The following KCNT2 variants were observed in gnomAD, a reference collection of about 807,000 sequenced individuals.
The protein encoded by KCNT2 is potassium sodium-activated channel subfamily T member 2, also known as potassium channel subfamily T member 2.
A neutral mutation model predicts 153.8 loss-of-function variants in KCNT2; 67 were observed. That is an observed-to-expected ratio of 0.44 (90% CI 0.36 to 0.53). The LOEUF (loss-of-function observed/expected upper bound fraction) is 0.53, where lower values mean the gene tolerates loss of function less well. Ranked by LOEUF, KCNT2 falls within the 20% of genes least tolerant of loss-of-function variation. The pLI, the probability that KCNT2 is intolerant of heterozygous loss-of-function variation, is 0.00. For missense variants in KCNT2, 975 were observed against 1,354.8 expected (o/e 0.72, Z 4.40); for synonymous variants, 500 against 458.8 (o/e 1.09, Z -1.15).
At chr1:196,373,018 A>T (rs1668662341) in intron 14 of KCNT2, 122 bp downstream of exon 14, 12 of 541,524 alleles carry the variant, frequency 2.2e-5, no homozygotes, top group Non-Finnish European at 4.0e-5. Context: ...AACTCACACA[A>T]ATTCAAGTAT....
chr1:196,480,872 AAAAAAAAAAAAAAG>A, intron 4 of KCNT2, among the ~76,000 whole-genome samples: 1 of 150,344 alleles, frequency 6.7e-6, no homozygotes, highest in Non-Finnish European at 1.5e-5. Context: ...AAAAAAAAAA[AAAAAAAAAAAAAAG>A]AGCATCGTTA....
intron 8 of KCNT2, 125 bp from the exon 9 acceptor site, chr1:196,429,882 A>G (rs750590694): frequency 3.2e-5 from 19 of 596,614 alleles, no homozygotes; most frequent in Non-Finnish European, 4.3e-5. Flanking sequence ...TATATTTTAC[A>G]ATATATTTTT....
At chr1:196,239,814 C>G (rs531151679) in intron 26 of KCNT2, among the ~76,000 whole-genome samples, 27 of 151,896 alleles carry the variant, frequency 1.8e-4, no homozygotes, top group African/African-American at 5.8e-4. Flanking sequence ...GGAGATAGAG[C>G]CTCAAAAACT....
At chr1:196,291,036 C>T (rs1028193493) in intron 22 of KCNT2, among the ~76,000 whole-genome samples, 3 of 152,002 alleles carry the variant, frequency 2.0e-5, no homozygotes, top group African/African-American at 7.3e-5. Context: ...TCAGTACTTC[C>T]CAGCAGACTA....
intron 1 of KCNT2, among the ~76,000 whole-genome samples, chr1:196,498,043 T>C (rs942253166): frequency 1.3e-5 from 2 of 152,196 alleles, no homozygotes; most frequent in African/African-American, 4.8e-5. Flanking sequence ...CCTAATGATA[T>C]CAACTACCTT....
chr1:196,435,975 A>C (rs557589265), intron 8 of KCNT2, among the ~76,000 whole-genome samples: 1 of 151,830 alleles, frequency 6.6e-6, no homozygotes, highest in Non-Finnish European at 1.5e-5. Context: ...TGTTTAAGAA[A>C]AAACTGTCTT....
In KCNT2 at chr1:196,479,165, T is replaced by G. The variant is rs747319208; in HGVS notation, c.384+14A>C. The G allele has an allele frequency of 1.4e-6, 2 of 1,466,946 alleles. No individual in the cohort carries two copies. The highest frequency in any genetic ancestry group is 1.9e-6 in the Non-Finnish European group (2 of 1,050,366). 90.9% of individuals were successfully genotyped at this position (1,466,946 alleles called of 1,614,324 possible). A position where few individuals can be genotyped will look rare whatever the true frequency, so the allele number is the denominator to read the frequency against. On this transcript the variant is annotated intron_variant, in intron 5 of 27. Transcript: ENST00000294725. ...TGTTCTATCAGCGGGAAACTGCTAA[T>G]TAAAATAACTTACCTTATAACTAAG...
chr1:196,254,181 G>C (rs561369806), intron 26 of KCNT2, among the ~76,000 whole-genome samples: 1 of 151,250 alleles, frequency 6.6e-6, no homozygotes, highest in Non-Finnish European at 1.5e-5. Flanking sequence ...AGATTAGTTT[G>C]TTTACTCCTA....
At chr1:196,395,715 T>C (rs2148428994) in intron 13 of KCNT2, among the ~76,000 whole-genome samples, 1 of 151,762 alleles carries the variant, frequency 6.6e-6, no homozygotes, top group South Asian at 2.1e-4. Context: ...GCAGTTTCAA[T>C]CATGTTATTT....
rs538120570 is a variant in KCNT2, at chr1:196,437,488, G to A, written c.639-7731C>T. Among the ~76,000 whole-genome samples the A allele has an allele frequency of 1.4e-4, 21 of 144,848 alleles. No individual in the cohort carries two copies. In the South Asian group the frequency reaches 3.5e-3, roughly 24 times the overall value. ...TTTTGTTTATTATCCTATATCCCCC[G>A]CCTAAACATTTTAAATTAAAAATTT... is the stretch of plus-strand genomic sequence containing the variant. On this transcript the variant is annotated intron_variant, in intron 8 of 27. Transcript: ENST00000294725.
rs78745785 is a variant in KCNT2, at chr1:196,367,008, A to C, written c.1403+6132T>G. ...TCAACCATTTCTGTCTGCCAAAACC[A>C]GTGTTCTTTCCTCTATGCCACATTT... On this transcript the variant is annotated intron_variant, in intron 14 of 27. Transcript: ENST00000294725. 7.0e-4 allele frequency among the ~76,000 whole-genome samples: 107 copies of C among 152,322 alleles called. No homozygotes were observed. In the East Asian group the frequency reaches 0.019, roughly 27 times the overall value.
intron 23 of KCNT2, among the ~76,000 whole-genome samples, chr1:196,284,730 T>C (rs576010933): frequency 1.3e-5 from 2 of 152,152 alleles, no homozygotes; most frequent in African/African-American, 4.8e-5. Flanking sequence ...TTCTACTTTG[T>C]TGTGTTTGCT....
intron 14 of KCNT2, among the ~76,000 whole-genome samples, chr1:196,369,611 T>C (rs10399833): frequency 0.026 from 3,990 of 152,162 alleles, 74 homozygotes; most frequent in South Asian, 0.073. Context: ...TTACTGAGAA[T>C]GATGATTTCC....
chr1:196,289,600 C>T (rs1320068055), intron 22 of KCNT2, among the ~76,000 whole-genome samples: 1 of 152,078 alleles, frequency 6.6e-6, no homozygotes, highest in African/African-American at 2.4e-5. Context: ...TCGAGGTTCA[C>T]TCAATACCTC....
At chr1:196,571,817 G>T (rs1660811975) in intron 1 of KCNT2, among the ~76,000 whole-genome samples, 1 of 152,094 alleles carries the variant, frequency 6.6e-6, no homozygotes, top group Non-Finnish European at 1.5e-5. Context: ...ATGGAGAAGT[G>T]ATGTGAGTTC....
intron 1 of KCNT2, among the ~76,000 whole-genome samples, chr1:196,579,131 C>A (rs773244174): frequency 3.9e-5 from 6 of 152,044 alleles, no homozygotes; most frequent in Non-Finnish European, 8.8e-5. Context: ...TGGGTTTGGA[C>A]AAAGGTACAA....
At chr1:196,569,217 T>A (rs543144453) in intron 1 of KCNT2, among the ~76,000 whole-genome samples, 1 of 152,300 alleles carries the variant, frequency 6.6e-6, no homozygotes, top group South Asian at 2.1e-4. Flanking sequence ...AGTTAATTGA[T>A]TACTTCTAAC....
chr1:196,451,732 T>C (rs1051903607), intron 8 of KCNT2, among the ~76,000 whole-genome samples: 3 of 151,890 alleles, frequency 2.0e-5, no homozygotes, highest in Non-Finnish European at 4.4e-5. Flanking sequence ...TTCCTTCATG[T>C]TTAGGGGAAT....
chr1:196,423,734 T>G (rs1286130271), intron 11 of KCNT2, among the ~76,000 whole-genome samples: 1 of 24,060 alleles, frequency 4.2e-5, no homozygotes, highest in Non-Finnish European at 5.8e-4. Flanking sequence ...GTAAATATTT[T>G]CCAAAAAAAA....
Sources: allele counts gnomAD v4.1 joint callset (sites outside exome capture counted in the v4.1 genomes callset), GRCh38; gene constraint gnomAD v4.1.1; transcripts MANE v1.5; gene names NCBI Gene and HGNC (gene_info 2026-07-23, HGNC 2026-07-21).